The following AHDC1 variants were observed in gnomAD, a reference collection of about 807,000 sequenced individuals.
The protein encoded by AHDC1 is transcription factor Gibbin.
AHDC1 carries 7 observed loss-of-function variants against 87.9 expected under a neutral mutation model. The observed-to-expected ratio is 0.08, with a 90% CI of 0.05 to 0.15. AHDC1 has a LOEUF of 0.15. Among genes scored for constraint, AHDC1 ranks in the 10% least tolerant of loss-of-function variants. The pLI, the probability that AHDC1 is intolerant of heterozygous loss-of-function variation, is 1.00. For synonymous variants in AHDC1, 1,051 were observed against 1,006.8 expected (o/e 1.04, Z -0.83); for missense variants, 1,841 against 2,253.2 (o/e 0.82, Z 3.70).
At chr1:27,588,756 CA>C (rs951127047) in intron 3 of AHDC1, among the ~76,000 whole-genome samples, 9 of 152,054 alleles carry the variant, frequency 5.9e-5, no homozygotes, top group African/African-American at 2.2e-4. Flanking sequence ...GGGAAGTATG[CA>C]AACATGTACG....
At chr1:27,559,545 T>C (rs1186012878) in intron 3 of AHDC1, among the ~76,000 whole-genome samples, 2 of 152,198 alleles carry the variant, frequency 1.3e-5, no homozygotes, top group African/African-American at 4.8e-5. Context: ...GGCTCTCAGT[T>C]TTCTCATGTA....
chr1:27,567,922 G>A (rs1571285209), intron 3 of AHDC1: 1 of 152,260 alleles, frequency 6.6e-6, no homozygotes, highest in Non-Finnish European at 1.5e-5. Flanking sequence ...GGAAAGGTGA[G>A]GCCTAAAGCA....
rs199991902 is a variant in AHDC1, at chr1:27,550,134, C to T, written c.1982G>A (p.Arg661His). The T allele has an allele frequency of 3.7e-6, 6 of 1,610,682 alleles. No individual in the cohort carries two copies. Among genetic ancestry groups the T allele is most frequent in the South Asian group, 1.1e-5 (1 of 91,080 alleles). ...DTQSISHFLH[R>H]VQGFRRRGGK... Reference sequence around the variant, plus strand: ...CCCACGCCGCCGGAAGCCCTGCACACGATGCAGGAAGTGGGAGATGCTCTG... The same window carrying T: ...CCCACGCCGCCGGAAGCCCTGCACATGATGCAGGAAGTGGGAGATGCTCTG... Residue 661 changes from arginine to histidine, a missense_variant, in exon 8 of 9, where the codon CGT becomes CAT. Transcript: ENST00000673934.
In AHDC1 at chr1:27,547,280, G is replaced by C. The variant is rs2019211070; in HGVS notation, c.*24C>G. 6.6e-7 allele frequency: 1 copy of C among 1,515,336 alleles called. No homozygotes were observed. The highest frequency in any genetic ancestry group is 8.8e-7 in the Non-Finnish European group (1 of 1,132,704). The allele number at this position is 1,515,336 out of a possible 1,614,324, so 93.9% of individuals were successfully genotyped here. ...ACTCACCCAGGAACAAAACCTCGCGGTCCAGTCGGCACTTCAGTTGGCACT... is the reference window on the plus strand; with the variant it reads ...ACTCACCCAGGAACAAAACCTCGCGCTCCAGTCGGCACTTCAGTTGGCACT... On this transcript the variant is annotated 3_prime_UTR_variant, in exon 8 of 9. Transcript: ENST00000673934. This position sits in a 1 kb window ranked among gnomAD's most constrained non-coding sequence, Gnocchi z 4.9.
Position 27,551,695 on chromosome 1 carries a change from T to C in AHDC1, c.421A>G (p.Ser141Gly), listed in dbSNP as rs2148295111. The C allele has an allele frequency of 3.1e-6, 5 of 1,613,724 alleles. No homozygotes were observed. Among genetic ancestry groups the C allele is most frequent in the African/African-American group, 1.3e-5 (1 of 74,966 alleles). The change falls in exon 8 of 9, where the codon AGT becomes GGT. Residue 141 changes from serine (S) to glycine (G), a missense_variant. Physicochemically the swap from Ser to Gly is moderately conservative, Grantham distance 56. This residue lies in a region of AHDC1 where 50 missense variants were observed against 104.3 expected (regional missense o/e 0.48). Transcript: ENST00000673934. ...LTRLSQDLQH[S>G]GVHLDCGGLR... is the part of the protein sequence containing the mutation. ...CCACCACAGTCCAGGTGTACACCAC[T>C]GTGCTGCAGGTCCTGGGAGAGGCGT...
intron 3 of AHDC1, among the ~76,000 whole-genome samples, chr1:27,578,344 T>G (rs2088815381): frequency 6.6e-6 from 1 of 152,144 alleles, no homozygotes; most frequent in African/African-American, 2.4e-5. Flanking sequence ...AATCCCACAC[T>G]TTGGGAGGCC....
At chr1:27,542,091 C>T (rs1408469757) in intron 8 of AHDC1, among the ~76,000 whole-genome samples, 5 of 152,266 alleles carry the variant, frequency 3.3e-5, no homozygotes, top group African/African-American at 1.2e-4. Context: ...TTCCCCCAGC[C>T]TTCCAGCACA....
intron 3 of AHDC1, among the ~76,000 whole-genome samples, chr1:27,570,235 G>A (rs916506743): frequency 2.0e-5 from 3 of 151,788 alleles, no homozygotes; most frequent in Admixed American, 2.0e-4. Context: ...CTCCGCCCAA[G>A]CAGCTGAAAA....
Position 27,552,127 on chromosome 1 carries a change from C to T in AHDC1, c.-12G>A, listed in dbSNP as rs1262716672. On this transcript the variant is annotated 5_prime_UTR_variant, in exon 8 of 9. Coordinates refer to ENST00000673934, the MANE Select transcript of AHDC1 (RefSeq NM_001371928.1). ...GGCTTCACACGCATCCTGACCTTGT[C>T]CTCCGCAGGCCGCCGGGCGGGGCCG... 2 of 1,436,806 alleles carry T rather than the reference C, an allele frequency of 1.4e-6. No homozygotes were observed. The highest frequency in any genetic ancestry group is 2.9e-5 in the Admixed American group (1 of 34,662). The allele number at this position is 1,436,806 out of a possible 1,614,324, so 89.0% of individuals were successfully genotyped here. A position where few individuals can be genotyped will look rare whatever the true frequency, so the allele number is the denominator to read the frequency against.
At chr1:27,546,928 C>T (rs976950434) in intron 8 of AHDC1, among the ~76,000 whole-genome samples, 3 of 152,206 alleles carry the variant, frequency 2.0e-5, no homozygotes, top group Admixed American at 1.3e-4. Context: ...TACTCACTTC[C>T]TGCCCAAGAC....
At position 27,547,953 on chromosome 1, in the gene AHDC1, G is replaced by A. The variant is rs756355656; in HGVS notation, c.4163C>T (p.Thr1388Met). The change falls in exon 8 of 9, where the codon ACG becomes ATG. Residue 1388 changes from threonine to methionine, a missense_variant. Thr to Met is a moderately conservative substitution (Grantham distance 81). Around this residue, in one of 13 missense-constraint regions of AHDC1, gnomAD observed 505 missense variants for 626.2 expected, o/e 0.81. Coordinates refer to ENST00000673934, the MANE Select transcript of AHDC1 (RefSeq NM_001371928.1). The surrounding 1 kb of genome is among the most constrained non-coding windows in gnomAD (Gnocchi z 4.9). ...CTTCTGCAGGCCGGCGTCAAACACC[G>A]TGGGTGGGTGGGCCAGCGGTGGGAA... ...KHFPPLAHPP[T>M]VFDAGLQKAY... 31 of 1,595,620 alleles carry A rather than the reference G, an allele frequency of 1.9e-5. No individual in the cohort carries two copies. The highest frequency in any genetic ancestry group is 8.4e-5 in the Admixed American group (5 of 59,456).
In AHDC1 at chr1:27,551,117, T is replaced by A. The variant is rs1557667063; in HGVS notation, c.999A>T (p.Ala333=). The A allele has an allele frequency of 6.3e-7, 1 of 1,584,012 alleles. No homozygotes were observed. Among genetic ancestry groups the A allele is most frequent in the Non-Finnish European group, 8.6e-7 (1 of 1,164,972 alleles). The change falls in exon 8 of 9, where the codon GCA becomes GCT. Residue 333 remains alanine, a synonymous_variant. Transcript: ENST00000673934. The part of the protein sequence containing the change: ...SLESQLLDPQ[A]LDPLPKLLDV... ...CAAGCAGCTTGGGCAGGGGGTCGAG[T>A]GCCTGGGGGTCAAGCAGCTGCGACT...
intron 3 of AHDC1, among the ~76,000 whole-genome samples, chr1:27,582,853 A>G (rs1434313956): frequency 2.6e-5 from 4 of 152,194 alleles, no homozygotes; most frequent in Non-Finnish European, 4.4e-5. Context: ...CTAGGATTGG[A>G]CTGCAGAGCC....
chr1:27,560,901 G>C lies in AHDC1; in HGVS notation c.-628-2018C>G, dbSNP rs2020048921. On this transcript the variant is annotated intron_variant, in intron 3 of 8. Transcript: ENST00000673934. This position sits in a 1 kb window ranked among gnomAD's most constrained non-coding sequence, Gnocchi z 4.1. ...AGATACCCTTTGTGAGACGGTGTGT[G>C]TGTGTCTGTGTCACTGTGTTTGTGT... is the stretch of plus-strand genomic sequence containing the variant. 6.6e-6 allele frequency among the ~76,000 whole-genome samples: 1 copy of C among 152,106 alleles called. No individual in the cohort carries two copies. The highest frequency in any genetic ancestry group is 2.1e-4 in the South Asian group (1 of 4,830).
At position 27,603,840 on chromosome 1, in the gene AHDC1, C is replaced by G. The variant is rs1053481666; in HGVS notation, c.-839G>C. The G allele has an allele frequency of 7.2e-5, 11 of 152,484 alleles. No homozygotes were observed. The highest frequency in any genetic ancestry group is 2.7e-4 in the African/African-American group (11 of 41,384). The allele number at this position is 152,484 out of a possible 1,614,324, so 9.4% of individuals were successfully genotyped here. A position where few individuals can be genotyped will look rare whatever the true frequency, so the allele number is the denominator to read the frequency against. On this transcript the variant is annotated 5_prime_UTR_variant, in exon 2 of 9. Coordinates refer to ENST00000673934, the MANE Select transcript of AHDC1 (RefSeq NM_001371928.1). Reference sequence around the variant, plus strand: ...TCAGACTGTCTCTATTTCTCGCTCTCTCTGCCTTTCTCTGCTCTCCAAGCT... The same window carrying G: ...TCAGACTGTCTCTATTTCTCGCTCTGTCTGCCTTTCTCTGCTCTCCAAGCT...
chr1:27,599,885 G>T (rs543140910), intron 3 of AHDC1, among the ~76,000 whole-genome samples: 227 of 151,912 alleles, frequency 1.5e-3, no homozygotes, highest in African/African-American at 5.3e-3. Flanking sequence ...CCCTCCTCCT[G>T]TGAGAGTCTC....
chr1:27,596,608 C>A (rs1341197194), intron 3 of AHDC1, among the ~76,000 whole-genome samples: 1 of 152,118 alleles, frequency 6.6e-6, no homozygotes, highest in South Asian at 2.1e-4. Flanking sequence ...CAGCCTCACA[C>A]CTGAACTACA....
In AHDC1 at chr1:27,552,107, C is replaced by T. The variant is rs908787754; in HGVS notation, c.9G>A (p.Val3=). The change falls in exon 8 of 9, where the codon GTG becomes GTA. Residue 3 remains valine, a synonymous_variant. Coordinates refer to ENST00000673934, the MANE Select transcript of AHDC1 (RefSeq NM_001371928.1). MR[V]KPQGLVVTSS... ...AAGTCACCACCAGGCCCTGGGGCTT[C>T]ACACGCATCCTGACCTTGTCCTCCG... 49 of 1,460,682 alleles carry T rather than the reference C, an allele frequency of 3.4e-5. No individual in the cohort carries two copies. The highest frequency in any genetic ancestry group is 4.2e-5 in the Non-Finnish European group (47 of 1,107,184). The allele number at this position is 1,460,682 out of a possible 1,614,324, so 90.5% of individuals were successfully genotyped here.
At chr1:27,570,768 A>G (rs1470244968) in intron 3 of AHDC1, among the ~76,000 whole-genome samples, 1 of 152,192 alleles carries the variant, frequency 6.6e-6, no homozygotes, top group Non-Finnish European at 1.5e-5. Flanking sequence ...GCCTAGAGGA[A>G]TGAGGAGATG....
Sources: gnomAD v4.1 joint callset for allele counts (sites outside exome capture counted in the v4.1 genomes callset) on GRCh38, gnomAD v4.1.1 for gene constraint, gnomAD v4.1.1 regional missense constraint, Gnocchi (gnomAD v3.1) non-coding constraint, MANE v1.5 for transcripts, NCBI Gene and HGNC (gene_info 2026-07-23, HGNC 2026-07-21) for gene names.